TMEM65: variants seen among roughly 807,000 people sequenced by gnomAD.
TMEM65 encodes transmembrane protein 65.
TMEM65 carries 22 observed loss-of-function variants against 25.4 expected under a neutral mutation model. That is an observed-to-expected ratio of 0.86 (90% CI 0.62 to 1.23). TMEM65 has a LOEUF of 1.23. Among genes scored for constraint, TMEM65 ranks in the 50% most tolerant of loss-of-function variants. The pLI is 0.00. For missense variants in TMEM65, 262 were observed against 308.2 expected (o/e 0.85, Z 1.12); for synonymous variants, 132 against 126.2 (o/e 1.05, Z -0.31).
At chr8:124,314,100 T>G in intron 6 of TMEM65, 39 bp from the exon 7 acceptor site, 3 of 1,537,258 alleles carry the variant, frequency 2.0e-6, no homozygotes, top group Non-Finnish European at 2.7e-6. Flanking sequence ...AGTTACTTTA[T>G]CTCTGATAAC....
Position 124,363,613 on chromosome 8 carries a change from G to A in TMEM65, c.304+8241C>T, listed in dbSNP as rs757078073. Among the ~76,000 whole-genome samples the A allele has an allele frequency of 4.4e-4, 67 of 151,862 alleles. 1 individual carries two copies. Among genetic ancestry groups the A allele is most frequent in the African/African-American group, 1.6e-3 (65 of 41,340 alleles). On this transcript the variant is annotated intron_variant, in intron 1 of 6. Coordinates refer to ENST00000297632, the MANE Select transcript of TMEM65 (RefSeq NM_194291.3). ...AGCACTTTGGGAGGCCGAGGCGGGC[G>A]GATCACGAGGTCAGGAGATCGAGAC...
In TMEM65 at chr8:124,306,953, A is replaced by C. The variant is rs1353658471; in HGVS notation, c.*7007T>G. The C allele has an allele frequency of 1.3e-5, 2 of 152,230 alleles. No individual in the cohort carries two copies. Among genetic ancestry groups the C allele is most frequent in the African/African-American group, 4.8e-5 (2 of 41,440 alleles). The allele number at this position is 152,230 out of a possible 1,614,324, so 9.4% of individuals were successfully genotyped here. On this transcript the variant is annotated 3_prime_UTR_variant, in exon 7 of 7. Transcript: ENST00000297632. Reference sequence around the variant, plus strand: ...AACAGAGCAAGACTCCATCTCAAAAAAAAAAAAAGTTAAAATTTATCAAAA... The same window carrying C: ...AACAGAGCAAGACTCCATCTCAAAACAAAAAAAAGTTAAAATTTATCAAAA...
rs1814198735 is a variant in TMEM65 at position 124,313,932 on chromosome 8, A to G, written c.*28T>C. ...TTTAATTACTGAGGTACATTAGTTT[A>G]CATCTTTTTATAGGTATTCTAAGAG... On this transcript the variant is annotated 3_prime_UTR_variant, in exon 7 of 7. Coordinates refer to ENST00000297632, the MANE Select transcript of TMEM65 (RefSeq NM_194291.3). 1 of 1,479,414 alleles carries G rather than the reference A, an allele frequency of 6.8e-7. No homozygotes were observed. The highest frequency in any genetic ancestry group is 2.3e-5 in the East Asian group (1 of 43,680). The allele number at this position is 1,479,414 out of a possible 1,614,324, so 91.6% of individuals were successfully genotyped here. A position where few individuals can be genotyped will look rare whatever the true frequency, so the allele number is the denominator to read the frequency against.
Position 124,312,131 on chromosome 8 carries a change from C to G in TMEM65, c.*1829G>C, listed in dbSNP as rs377179427. On this transcript the variant is annotated 3_prime_UTR_variant, in exon 7 of 7. Coordinates refer to ENST00000297632, the MANE Select transcript of TMEM65 (RefSeq NM_194291.3). ...TACACTTTACCCCACCCTTCCCCCC[C>G]CAAAAATTTAAGCACTCTAATCCTA... 4.5e-4 allele frequency: 69 copies of G among 152,018 alleles called. No individual in the cohort carries two copies. Among genetic ancestry groups the G allele is most frequent in the African/African-American group, 1.4e-3 (60 of 41,412 alleles). 9.4% of individuals were successfully genotyped at this position (152,018 alleles called of 1,614,324 possible). A position where few individuals can be genotyped will look rare whatever the true frequency, so the allele number is the denominator to read the frequency against.
chr8:124,340,134 A>C (rs1369811128), intron 1 of TMEM65, among the ~76,000 whole-genome samples: 3 of 152,206 alleles, frequency 2.0e-5, no homozygotes, highest in Non-Finnish European at 1.5e-5. Context: ...AGTTGTAGCT[A>C]TCTGGGCAGG....
intron 1 of TMEM65, among the ~76,000 whole-genome samples, chr8:124,368,296 C>CA: frequency 6.6e-6 from 1 of 151,186 alleles, no homozygotes; most frequent in Non-Finnish European, 1.5e-5. Flanking sequence ...CTCCTTTTTT[C>CA]AAAACATATC....
At chr8:124,315,320 TTTTTG>T (rs893037193) in intron 6 of TMEM65, among the ~76,000 whole-genome samples, 5 of 150,046 alleles carry the variant, frequency 3.3e-5, no homozygotes, top group African/African-American at 5.0e-5. Flanking sequence ...TACAGTTTTT[TTTTTG>T]TTTGTTTTTT....
chr8:124,370,263 T>C (rs1309894088), intron 1 of TMEM65, among the ~76,000 whole-genome samples: 1 of 152,198 alleles, frequency 6.6e-6, no homozygotes, highest in Non-Finnish European at 1.5e-5. Flanking sequence ...AAAACTATAT[T>C]CATAGGGCCC....
chr8:124,371,237 T>C (rs1053844699), intron 1 of TMEM65, among the ~76,000 whole-genome samples: 1 of 152,226 alleles, frequency 6.6e-6, no homozygotes. Flanking sequence ...GAGTTTAACT[T>C]GAATCTGTCT....
At chr8:124,318,603 T>C (rs1189157114) in intron 6 of TMEM65, among the ~76,000 whole-genome samples, 2 of 151,968 alleles carry the variant, frequency 1.3e-5, no homozygotes, top group African/African-American at 4.8e-5. Flanking sequence ...CTCAAACTCC[T>C]GACCTCAGGT....
intron 1 of TMEM65, among the ~76,000 whole-genome samples, chr8:124,337,145 GCA>G (rs1192708890): frequency 7.9e-6 from 1 of 126,908 alleles, no homozygotes; most frequent in Non-Finnish European, 1.7e-5. Context: ...ACACACACAC[GCA>G]CACACACACA....
chr8:124,306,601 G>C lies in TMEM65; in HGVS notation c.*7359C>G, dbSNP rs1410815216. The C allele has an allele frequency of 6.6e-6, 1 of 152,158 alleles. No homozygotes were observed. The highest frequency in any genetic ancestry group is 1.5e-5 in the Non-Finnish European group (1 of 68,036). The allele number at this position is 152,158 out of a possible 1,614,324, so 9.4% of individuals were successfully genotyped here. A position where few individuals can be genotyped will look rare whatever the true frequency, so the allele number is the denominator to read the frequency against. On this transcript the variant is annotated 3_prime_UTR_variant, in exon 7 of 7. Coordinates refer to ENST00000297632, the MANE Select transcript of TMEM65 (RefSeq NM_194291.3). ...GTCATGAATTCATATAATATATGTA[G>C]ACACTAGTCTATTTTATCATTTACT...
At chr8:124,344,595 G>C (rs1253065373) in intron 1 of TMEM65, among the ~76,000 whole-genome samples, 1 of 152,164 alleles carries the variant, frequency 6.6e-6, no homozygotes, top group Non-Finnish European at 1.5e-5. Context: ...AATATATCTG[G>C]TATGATAGAA....
intron 1 of TMEM65, among the ~76,000 whole-genome samples, chr8:124,361,870 A>G (rs891426720): frequency 6.6e-6 from 1 of 152,006 alleles, no homozygotes; most frequent in Non-Finnish European, 1.5e-5. Flanking sequence ...ATTTTTAAAA[A>G]GCAAGATTTT....
At chr8:124,345,996 C>T (rs949584788) in intron 1 of TMEM65, among the ~76,000 whole-genome samples, 2 of 152,206 alleles carry the variant, frequency 1.3e-5, no homozygotes, top group African/African-American at 2.4e-5. Flanking sequence ...CCGTCTGCCT[C>T]GGCCTCCCAT....
At chr8:124,317,995 A>G (rs1586455381) in intron 6 of TMEM65, among the ~76,000 whole-genome samples, 4 of 152,198 alleles carry the variant, frequency 2.6e-5, no homozygotes, top group Admixed American at 2.6e-4. Flanking sequence ...GATAGCTGAT[A>G]AGCTTAAAAA....
chr8:124,347,192 T>G (rs1814649408), intron 1 of TMEM65, among the ~76,000 whole-genome samples: 1 of 152,192 alleles, frequency 6.6e-6, no homozygotes, highest in African/African-American at 2.4e-5. Flanking sequence ...AGAGCTTAAC[T>G]TTTAATTTAG....
chr8:124,362,807 A>G (rs181735138), intron 1 of TMEM65, among the ~76,000 whole-genome samples: 9 of 152,256 alleles, frequency 5.9e-5, no homozygotes, highest in African/African-American at 1.9e-4. Context: ...TCTCTTTTGA[A>G]CAAGAATTTT....
intron 1 of TMEM65, among the ~76,000 whole-genome samples, chr8:124,333,883 G>C (rs570753003): frequency 2.6e-5 from 4 of 152,152 alleles, no homozygotes; most frequent in African/African-American, 9.7e-5. Context: ...AAGAACCAGA[G>C]GATGAGGTGC....
Sources: gnomAD v4.1 joint callset for allele counts (sites outside exome capture counted in the v4.1 genomes callset) on GRCh38, gnomAD v4.1.1 for gene constraint, MANE v1.5 for transcripts, NCBI Gene and HGNC (gene_info 2026-07-23, HGNC 2026-07-21) for gene names.